MTAP: variants seen among roughly 807,000 people sequenced by gnomAD.
MTAP encodes the protein methylthioadenosine phosphorylase.
A neutral mutation model predicts 33.6 loss-of-function variants in MTAP; 33 were observed. The observed-to-expected ratio is 0.98, with a 90% CI of 0.74 to 1.31. The LOEUF is 1.31. MTAP is among the 40% of genes most tolerant of loss of function. The pLI, the probability that MTAP is intolerant of heterozygous loss-of-function variation, is 0.00. For synonymous variants in MTAP, 148 were observed against 125.7 expected (o/e 1.18, Z -1.19); for missense variants, 367 against 360.0 (o/e 1.02, Z -0.16).
intron 5 of MTAP, among the ~76,000 whole-genome samples, chr9:21,844,432 A>G (rs534448553): frequency 6.6e-6 from 1 of 152,314 alleles, no homozygotes; most frequent in African/African-American, 2.4e-5. Flanking sequence ...ATAAAAAAAG[A>G]CAACTACAGA....
rs906015651 is a variant in MTAP at position 21,837,810 on chromosome 9, A to G, written c.348-98A>G. On this transcript the variant is annotated intron_variant, in intron 4 of 7. Coordinates refer to ENST00000644715, the MANE Select transcript of MTAP (RefSeq NM_002451.4). ...GAATTGAGTCTGGAGTAAAGACCCA[A>G]ATATTGACCTAGATAAAGTTGACTC... 12 of 892,626 alleles carry G rather than the reference A, an allele frequency of 1.3e-5. No individual in the cohort carries two copies. In the African/African-American group the frequency reaches 2.0e-4, roughly 15 times the overall value. 55.3% of individuals were successfully genotyped at this position (892,626 alleles called of 1,614,324 possible). A position where few individuals can be genotyped will look rare whatever the true frequency, so the allele number is the denominator to read the frequency against.
chr9:21,853,577 T>A (rs1390978158), intron 5 of MTAP, among the ~76,000 whole-genome samples: 4 of 152,208 alleles, frequency 2.6e-5, no homozygotes, highest in Non-Finnish European at 5.9e-5. Context: ...TTGCCCAGAT[T>A]GGAGACTTTG....
In MTAP at chr9:21,865,881, T is replaced by A; in HGVS notation, c.*3867T>A. 1.3e-6 allele frequency: 1 copy of A among 763,792 alleles called. No individual in the cohort carries two copies. The highest frequency in any genetic ancestry group is 1.6e-6 in the Non-Finnish European group (1 of 627,434). 47.3% of individuals were successfully genotyped at this position (763,792 alleles called of 1,614,324 possible). ...AGTAGTATTCTGTCATATGCCTATC[T>A]TACAATTTGATTATCTATTCACCTG... On this transcript the variant is annotated 3_prime_UTR_variant, in exon 8 of 8. Transcript: ENST00000644715.
intron 1 of MTAP, among the ~76,000 whole-genome samples, chr9:21,882,476 T>G: frequency 6.6e-6 from 1 of 152,050 alleles, no homozygotes; most frequent in East Asian, 1.9e-4. Context: ...GGCAATATTC[T>G]TGTAACTGAT....
intron 5 of MTAP, among the ~76,000 whole-genome samples, chr9:21,845,673 TATC>T (rs1369080472): frequency 6.6e-6 from 1 of 151,528 alleles, no homozygotes; most frequent in Non-Finnish European, 1.5e-5. Flanking sequence ...AATATAAAAG[TATC>T]ATATTTCTGC....
At chr9:21,876,938 A>G (rs1462139616) in intron 1 of MTAP, among the ~76,000 whole-genome samples, 3 of 152,040 alleles carry the variant, frequency 2.0e-5, no homozygotes, top group Non-Finnish European at 4.4e-5. Context: ...CGACCTATAA[A>G]TTGCTTTGGG....
chr9:21,845,414 A>T (rs1825356339), intron 5 of MTAP, among the ~76,000 whole-genome samples: 1 of 152,210 alleles, frequency 6.6e-6, no homozygotes, highest in Non-Finnish European at 1.5e-5. Context: ...CAAGAACTCA[A>T]CCTGCTTTAC....
At chr9:21,896,700 G>A (rs1022014655) in intron 1 of MTAP, among the ~76,000 whole-genome samples, 3 of 152,126 alleles carry the variant, frequency 2.0e-5, no homozygotes, top group Non-Finnish European at 2.9e-5. Context: ...TTGAATCCCT[G>A]AATAGACCAA....
At chr9:21,838,966 T>A (rs547836748) in intron 5 of MTAP, among the ~76,000 whole-genome samples, 1 of 152,344 alleles carries the variant, frequency 6.6e-6, no homozygotes, top group East Asian at 1.9e-4. Flanking sequence ...TTTTAGCATT[T>A]ATGTTTTATC....
At chr9:21,932,887 C>T (rs890329433), downstream of MTAP, 2 of 152,152 alleles carry the variant, frequency 1.3e-5, no homozygotes, top group East Asian at 3.8e-4. Context: ...TCTTTCTACC[C>T]TCCTCTGCCT....
At chr9:21,915,000 TTTCCTTCCTTCC>T (rs367599453) in intron 1 of MTAP, among the ~76,000 whole-genome samples, 7,622 of 83,890 alleles carry the variant, frequency 0.091, 671 homozygotes, top group African/African-American at 0.14. Context: ...CTTTGTTTTC[TTTCCTTCCTTCC>T]TTCCTTCCTT....
In MTAP at chr9:21,818,123, A is replaced by C; in HGVS notation, c.268A>C (p.Ile90Leu). 1 of 1,614,048 alleles carries C rather than the reference A, an allele frequency of 6.2e-7. No homozygotes were observed. Among genetic ancestry groups the C allele is most frequent in the Non-Finnish European group, 8.5e-7 (1 of 1,180,006 alleles). The part of the protein sequence containing the change: ...ALKEEGCTHV[I>L]VTTACGSLRE... ...GAAGGAAGAGGGCTGTACACATGTC[A>C]TAGTGACCACAGCTTGTGGCTCCTT... is the stretch of plus-strand genomic sequence containing the variant. The change falls in exon 4 of 8, where the codon ATA (isoleucine) becomes CTA (leucine). Residue 90 changes from isoleucine to leucine, a missense_variant. Ile to Leu is a conservative substitution (Grantham distance 5). Transcript: ENST00000644715.
intron 5 of MTAP, among the ~76,000 whole-genome samples, chr9:21,852,851 G>GTCCTGAC (rs931545705): frequency 1.9e-4 from 29 of 152,272 alleles, no homozygotes; most frequent in African/African-American, 6.0e-4. Flanking sequence ...TAATATGAAA[G>GTCCTGAC]TCCTGACATT....
intron 4 of MTAP, among the ~76,000 whole-genome samples, chr9:21,820,583 C>T (rs1032282905): frequency 4.6e-5 from 7 of 152,162 alleles, no homozygotes; most frequent in African/African-American, 1.7e-4. Context: ...GAGATGCCTC[C>T]AGCTTTGTTC....
chr9:21,880,522 C>T (rs777147084), intron 1 of MTAP, among the ~76,000 whole-genome samples: 8 of 151,988 alleles, frequency 5.3e-5, no homozygotes, highest in South Asian at 4.1e-4. Context: ...TTCCACTAAA[C>T]GACAACTAGA....
At chr9:21,860,963 C>T (rs1825741055) in intron 7 of MTAP, 2 of 152,102 alleles carry the variant, frequency 1.3e-5, no homozygotes, top group Non-Finnish European at 2.9e-5. Flanking sequence ...ATGGTTTCAT[C>T]ATGTCGGTCA....
intron 1 of MTAP, among the ~76,000 whole-genome samples, chr9:21,880,948 A>G (rs1374484590): frequency 2.6e-5 from 4 of 152,040 alleles, no homozygotes; most frequent in Admixed American, 6.6e-5. Flanking sequence ...ACCCCCCAGT[A>G]GCCAAAACAA....
Position 21,863,585 on chromosome 9 carries a change from T to G in MTAP, c.*1571T>G. ...TTGCAGTGAGACGAGCTTGTGCCAC[T>G]GCACTCCAGCCTGGGCAACAGAGTA... On this transcript the variant is annotated 3_prime_UTR_variant, in exon 8 of 8. Transcript: ENST00000644715. 3.2e-6 allele frequency: 3 copies of G among 940,544 alleles called. No homozygotes were observed. Among genetic ancestry groups the G allele is most frequent in the Non-Finnish European group, 3.8e-6 (3 of 789,810 alleles). The allele number at this position is 940,544 out of a possible 1,614,324, so 58.3% of individuals were successfully genotyped here.
intron 5 of MTAP, among the ~76,000 whole-genome samples, chr9:21,853,363 G>A (rs562681873): frequency 6.6e-6 from 1 of 152,164 alleles, no homozygotes; most frequent in African/African-American, 2.4e-5. Flanking sequence ...AGGGAAAAGT[G>A]TTAATTAAGC....
Sources: gnomAD v4.1 joint callset for allele counts (sites outside exome capture counted in the v4.1 genomes callset) on GRCh38, gnomAD v4.1.1 for gene constraint, MANE v1.5 for transcripts, NCBI Gene and HGNC (gene_info 2026-07-23, HGNC 2026-07-21) for gene names.